Variants in TCP10L observed in about 807,000 individuals in gnomAD.
The protein encoded by TCP10L is T-complex protein 10A homolog 1.
TCP10L carries 11 observed loss-of-function variants against 19.2 expected under a neutral mutation model. The observed-to-expected ratio is 0.57, with a 90% CI of 0.36 to 0.95. The LOEUF is 0.95. Ranked by LOEUF, TCP10L falls within the 40% of genes least tolerant of loss-of-function variation. The pLI is 0.01. For missense variants in TCP10L, 247 were observed against 263.9 expected (o/e 0.94, Z 0.44); for synonymous variants, 96 against 97.2 (o/e 0.99, Z 0.07).
intron 1 of TCP10L, 140 bp from the exon 2 acceptor site, chr21:32,584,445 T>A: frequency 8.1e-7 from 1 of 1,238,820 alleles, no homozygotes; most frequent in Non-Finnish European, 1.1e-6. Flanking sequence ...ATGTGCACAT[T>A]CCCAGGCCCG....
rs2038506918 is a variant in TCP10L, at chr21:32,582,467, AC to A, written c.145-53del. The A allele has an allele frequency of 6.5e-7, 1 of 1,548,066 alleles. No individual in the cohort carries two copies. Among genetic ancestry groups the A allele is most frequent in the African/African-American group, 1.4e-5 (1 of 72,492 alleles). ...AAACCTCTCAGATGTCACAATGGGC[AC>A]ATTTATCTGCAAAATACTCAAGCCC... On this transcript the variant is annotated intron_variant, in intron 2 of 4. Transcript: ENST00000300258. The surrounding 1 kb of genome is among the most constrained non-coding windows in gnomAD (Gnocchi z 4.2).
rs1158787614 is a variant in TCP10L at position 32,580,199 on chromosome 21, T to C, written c.361-1368A>G. The stretch of plus-strand genomic sequence containing the variant: ...CGGCTCACTGCAAGCTCCACCTCCC[T>C]GATTCAGGCCATTCTCCAGCCTCAG... On this transcript the variant is annotated intron_variant, in intron 3 of 4. Coordinates refer to ENST00000300258, the MANE Select transcript of TCP10L (RefSeq NM_144659.7). Among the ~76,000 whole-genome samples the C allele has an allele frequency of 2.6e-5, 4 of 152,010 alleles. No homozygotes were observed. The South Asian group carries it at 8.3e-4, about 32-fold the overall frequency.
intron 3 of TCP10L, among the ~76,000 whole-genome samples, chr21:32,581,767 C>G (rs1167381050): frequency 6.6e-6 from 1 of 152,172 alleles, no homozygotes; most frequent in East Asian, 1.9e-4. Context: ...CTGGAGTCAC[C>G]CTGGGTTCAA....
rs141554391 is a variant in TCP10L, at chr21:32,584,686, G to C, written c.-1-381C>G. Among the ~76,000 whole-genome samples, 9 of 152,244 alleles carry C rather than the reference G, an allele frequency of 5.9e-5. No individual in the cohort carries two copies. The East Asian group carries it at 1.7e-3, about 29-fold the overall frequency. On this transcript the variant is annotated intron_variant, in intron 1 of 4. Transcript: ENST00000300258. ...TGTGAATGGATGTGAGCGGATGTGA[G>C]CACGATGGTCTTGGGGTATGAGCAG...
At chr21:32,580,396 G>A (rs564052681) in intron 3 of TCP10L, among the ~76,000 whole-genome samples, 16 of 152,086 alleles carry the variant, frequency 1.1e-4, no homozygotes, top group South Asian at 1.0e-3. Context: ...GTGAGCCACC[G>A]CGCCCAGCTG....
intron 2 of TCP10L, among the ~76,000 whole-genome samples, chr21:32,583,935 T>C (rs960734115): frequency 1.3e-5 from 2 of 152,144 alleles, no homozygotes; most frequent in African/African-American, 4.8e-5. Context: ...AGCTGGAATG[T>C]TAATATTTTC....
rs191089247 is a variant in TCP10L at position 32,583,692 on chromosome 21, G to A, written c.144+469C>T. Among the ~76,000 whole-genome samples, 52 of 151,986 alleles carry A rather than the reference G, an allele frequency of 3.4e-4. No individual in the cohort carries two copies. The East Asian group carries it at 9.9e-3, about 29-fold the overall frequency. Reference sequence around the variant, plus strand: ...CCTTCACTGGATCGTAGAGCCTCCAGCCTTGCTCTGAGAATAAGTGGGATC... The same window carrying A: ...CCTTCACTGGATCGTAGAGCCTCCAACCTTGCTCTGAGAATAAGTGGGATC... On this transcript the variant is annotated intron_variant, in intron 2 of 4. Transcript: ENST00000300258.
Position 32,576,768 on chromosome 21 carries a change from C to G in TCP10L, c.*6G>C. ...GACACAGGTGTCCGAGGCCACCTTT[C>G]CATCTTCAGACACCCCCCCGTCTCT... On this transcript the variant is annotated 3_prime_UTR_variant, in exon 5 of 5. Transcript: ENST00000300258. 1.2e-6 allele frequency: 2 copies of G among 1,611,908 alleles called. No homozygotes were observed. The highest frequency in any genetic ancestry group is 1.7e-6 in the Non-Finnish European group (2 of 1,179,354).
chr21:32,585,388 CT>C, intron 1 of TCP10L, 32 bp downstream of exon 1: 1 of 174,748 alleles, frequency 5.7e-6, no homozygotes, highest in Non-Finnish European at 1.2e-5. Flanking sequence ...AGACCCTTTC[CT>C]TCAGCCCCAC....
In TCP10L at chr21:32,576,464, C is replaced by A; in HGVS notation, c.*310G>T. 1.5e-6 allele frequency: 1 copy of A among 652,996 alleles called. No individual in the cohort carries two copies. The highest frequency in any genetic ancestry group is 2.6e-6 in the Non-Finnish European group (1 of 389,178). 40.5% of individuals were successfully genotyped at this position (652,996 alleles called of 1,614,324 possible). On this transcript the variant is annotated 3_prime_UTR_variant, in exon 5 of 5. Coordinates refer to ENST00000300258, the MANE Select transcript of TCP10L (RefSeq NM_144659.7). ...AGACCCCAGGGCTCACCCAACAGCC[C>A]GACACTCCATACTACAAGGTGGGTT...
At position 32,582,196 on chromosome 21, in the gene TCP10L, G is replaced by A. The variant is rs1330355048; in HGVS notation, c.360+4C>T. The A allele has an allele frequency of 3.1e-6, 5 of 1,613,722 alleles. No homozygotes were observed. Among genetic ancestry groups the A allele is most frequent in the Middle Eastern group, 3.3e-4 (2 of 6,060 alleles). Reference sequence around the variant, plus strand: ...GTACAAAAACATAAATGCGCTTTTGGTACCAGAGTGTGCGATTCTTGCCCC... The same window carrying A: ...GTACAAAAACATAAATGCGCTTTTGATACCAGAGTGTGCGATTCTTGCCCC... On this transcript the variant is annotated splice_donor_region_variant and intron_variant, in intron 3 of 4. Transcript: ENST00000300258. The surrounding 1 kb of genome is among the most constrained non-coding windows in gnomAD (Gnocchi z 4.2).
At chr21:32,583,801 G>C (rs576822462) in intron 2 of TCP10L, among the ~76,000 whole-genome samples, 1 of 132,572 alleles carries the variant, frequency 7.5e-6, no homozygotes, top group East Asian at 2.3e-4. Flanking sequence ...TGTCCAACAG[G>C]GTCCAATGAG....
chr21:32,576,144 C>G lies in TCP10L; in HGVS notation c.*630G>C. The G allele has an allele frequency of 2.2e-6, 2 of 928,830 alleles. No homozygotes were observed. The highest frequency in any genetic ancestry group is 1.7e-5 in the South Asian group (1 of 60,082). 57.5% of individuals were successfully genotyped at this position (928,830 alleles called of 1,614,324 possible). ...TTGCCATAGTAAGATGTTCTGCTCA[C>G]GCGTATCCACGAGAAAGCCCCGCAT... On this transcript the variant is annotated 3_prime_UTR_variant, in exon 5 of 5. Coordinates refer to ENST00000300258, the MANE Select transcript of TCP10L (RefSeq NM_144659.7).
At position 32,582,283 on chromosome 21, in the gene TCP10L, G is replaced by C. The variant is rs767020981; in HGVS notation, c.277C>G (p.Leu93Val). 1.2e-6 allele frequency: 2 copies of C among 1,614,166 alleles called. No homozygotes were observed. The highest frequency in any genetic ancestry group is 2.7e-5 in the African/African-American group (2 of 75,032). ...CACCGCTGCAGCTGCAGAGCTCTCAGCTTTTCTCGGAGCTCCATGTTCTGC... is the reference window on the plus strand; with the variant it reads ...CACCGCTGCAGCTGCAGAGCTCTCACCTTTTCTCGGAGCTCCATGTTCTGC... ...REQNMELREK[L>V]RALQLQRWKA... Residue 93 changes from leucine to valine, a missense_variant, in exon 3 of 5, where the codon CTG (leucine) becomes GTG (valine). Transcript: ENST00000300258. The surrounding 1 kb of genome is among the most constrained non-coding windows in gnomAD (Gnocchi z 4.2).
At chr21:32,577,869 C>T (rs925523372) in intron 4 of TCP10L, among the ~76,000 whole-genome samples, 6 of 152,190 alleles carry the variant, frequency 3.9e-5, no homozygotes, top group African/African-American at 1.4e-4. Flanking sequence ...TTATTGACAG[C>T]AAGCCAGTGA....
intron 2 of TCP10L, among the ~76,000 whole-genome samples, chr21:32,583,024 CTTTTTTTTTTTTTT>C (rs59972145): frequency 0.25 from 23,356 of 95,280 alleles, 2,306 homozygotes; most frequent in East Asian, 0.35. Context: ...CATTCTTTTC[CTTTTTTTTTTTTTT>C]TTTTTTTTTT....
intron 3 of TCP10L, among the ~76,000 whole-genome samples, chr21:32,579,336 C>A (rs2833913): frequency 6.6e-6 from 1 of 152,108 alleles, no homozygotes; most frequent in African/African-American, 2.4e-5. Flanking sequence ...CCGTTCTGCC[C>A]TCTGAGGAGG....
chr21:32,575,370 G>C lies in TCP10L; in HGVS notation c.*1404C>G, dbSNP rs1430771163. 5 of 153,458 alleles carry C rather than the reference G, an allele frequency of 3.3e-5. No homozygotes were observed. The highest frequency in any genetic ancestry group is 6.5e-5 in the Admixed American group (1 of 15,300). The allele number at this position is 153,458 out of a possible 1,614,324, so 9.5% of individuals were successfully genotyped here. A position where few individuals can be genotyped will look rare whatever the true frequency, so the allele number is the denominator to read the frequency against. On this transcript the variant is annotated 3_prime_UTR_variant, in exon 5 of 5. Transcript: ENST00000300258. Reference sequence around the variant, plus strand: ...GGTCTGAAGCAGACAGATGGCACCAGCCTCACCTCTACGAAGCTCCCTGCA... The same window carrying C: ...GGTCTGAAGCAGACAGATGGCACCACCCTCACCTCTACGAAGCTCCCTGCA...
chr21:32,582,666 C>T lies in TCP10L; in HGVS notation c.145-251G>A, dbSNP rs930993869. Among the ~76,000 whole-genome samples the T allele has an allele frequency of 2.0e-5, 3 of 152,044 alleles. No individual in the cohort carries two copies. Among genetic ancestry groups the T allele is most frequent in the Non-Finnish European group, 4.4e-5 (3 of 68,022 alleles). ...GGAGTGCAGTGGCATGATCTCAGCT[C>T]ACTGAAGCTTCAACTTGATGAGCTC... On this transcript the variant is annotated intron_variant, in intron 2 of 4. Transcript: ENST00000300258. This position sits in a 1 kb window ranked among gnomAD's most constrained non-coding sequence, Gnocchi z 4.2.
Sources: allele counts gnomAD v4.1 joint callset (sites outside exome capture counted in the v4.1 genomes callset), GRCh38; gene constraint gnomAD v4.1.1; non-coding constraint Gnocchi (gnomAD v3.1); transcripts MANE v1.5; gene names NCBI Gene and HGNC (gene_info 2026-07-23, HGNC 2026-07-21).